Variants in ARHGAP15 observed in about 807,000 individuals in gnomAD.
ARHGAP15 encodes Rho GTPase activating protein 15.
Under a neutral mutation model 63.7 loss-of-function variants are expected in ARHGAP15, and 51 were observed. The ratio of observed to expected loss-of-function variants is 0.80; its 90% CI spans 0.64 to 1.01. ARHGAP15 has a LOEUF of 1.01. ARHGAP15 is among the 50% of genes least tolerant of loss of function. The probability of loss-of-function intolerance (pLI) is 0.00; values close to 1 mark genes in which losing one functional copy is unlikely to be tolerated. For synonymous variants in ARHGAP15, 191 were observed against 193.8 expected (o/e 0.99, Z 0.12); for missense variants, 560 against 564.6 (o/e 0.99, Z 0.08).
chr2:143,530,776 A>G (rs944781421), intron 10 of ARHGAP15, among the ~76,000 whole-genome samples: 2 of 152,166 alleles, frequency 1.3e-5, no homozygotes, highest in African/African-American at 4.8e-5. Context: ...AAACTCCTTA[A>G]GTCCATTTGT....
chr2:143,187,206 C>T (rs354728), intron 2 of ARHGAP15, among the ~76,000 whole-genome samples: 43,022 of 151,930 alleles, frequency 0.28, 6,687 homozygotes, highest in Admixed American at 0.38. Flanking sequence ...TTGACTATTT[C>T]TTGGGGAAGA....
At chr2:143,191,917 GA>G (rs1304332397) in intron 2 of ARHGAP15, among the ~76,000 whole-genome samples, 2 of 151,948 alleles carry the variant, frequency 1.3e-5, no homozygotes, top group East Asian at 1.9e-4. Context: ...TTTTTTGACA[GA>G]AAAAAATGGC....
chr2:143,351,799 A>T (rs1052634399), intron 6 of ARHGAP15, among the ~76,000 whole-genome samples: 1 of 152,084 alleles, frequency 6.6e-6, no homozygotes, highest in Non-Finnish European at 1.5e-5. Flanking sequence ...GGTACCCTGG[A>T]GCTTTGCTGT....
intron 13 of ARHGAP15, among the ~76,000 whole-genome samples, chr2:143,729,928 A>G (rs766858901): frequency 1.3e-5 from 2 of 152,186 alleles, no homozygotes; most frequent in Non-Finnish European, 2.9e-5. Flanking sequence ...GAGAGGGAGA[A>G]ATCATAAATA....
At chr2:143,342,039 A>C (rs2105288676) in intron 6 of ARHGAP15, among the ~76,000 whole-genome samples, 1 of 152,282 alleles carries the variant, frequency 6.6e-6, no homozygotes, top group South Asian at 2.1e-4. Flanking sequence ...ATGCCCATGC[A>C]TTAATGGTAG....
chr2:143,379,934 G>A (rs1289347028), intron 6 of ARHGAP15, among the ~76,000 whole-genome samples: 2 of 151,948 alleles, frequency 1.3e-5, no homozygotes, highest in African/African-American at 4.8e-5. Context: ...AAAATTTGCA[G>A]TGGAACAGAG....
At chr2:143,439,881 G>C (rs914376895) in intron 8 of ARHGAP15, among the ~76,000 whole-genome samples, 2 of 152,066 alleles carry the variant, frequency 1.3e-5, no homozygotes, top group Admixed American at 6.6e-5. Flanking sequence ...CAGTAAACTT[G>C]AATCAGGACC....
At chr2:143,492,887 T>G (rs976159604) in intron 9 of ARHGAP15, among the ~76,000 whole-genome samples, 1 of 145,808 alleles carries the variant, frequency 6.9e-6, no homozygotes, top group African/African-American at 2.5e-5. Flanking sequence ...GAACCCCGTC[T>G]CTTCTAAAAA....
At chr2:143,371,697 A>G (rs978249929) in intron 6 of ARHGAP15, among the ~76,000 whole-genome samples, 1 of 152,080 alleles carries the variant, frequency 6.6e-6, no homozygotes, top group African/African-American at 2.4e-5. Flanking sequence ...CTCCTTACTG[A>G]AACATCACAT....
intron 10 of ARHGAP15, among the ~76,000 whole-genome samples, chr2:143,553,292 A>T (rs747052848): frequency 6.6e-6 from 1 of 152,192 alleles, no homozygotes; most frequent in Non-Finnish European, 1.5e-5. Context: ...TATGTAATTT[A>T]AAAAGTATGA....
At chr2:143,682,137 A>T (rs1042747619) in intron 12 of ARHGAP15, among the ~76,000 whole-genome samples, 1 of 152,224 alleles carries the variant, frequency 6.6e-6, no homozygotes, top group Non-Finnish European at 1.5e-5. Context: ...GTAGCAGTGC[A>T]CTAAGATACA....
chr2:143,257,431 C>T (rs1359870771), intron 6 of ARHGAP15, among the ~76,000 whole-genome samples: 4 of 152,066 alleles, frequency 2.6e-5, no homozygotes, highest in Admixed American at 6.6e-5. Flanking sequence ...AATGGATGCA[C>T]GTCATCTAAT....
chr2:143,222,268 T>C (rs370828376), intron 4 of ARHGAP15, among the ~76,000 whole-genome samples: 1 of 152,220 alleles, frequency 6.6e-6, no homozygotes, highest in Non-Finnish European at 1.5e-5. Context: ...TTAGAATAAA[T>C]TACTTTCACT....
intron 4 of ARHGAP15, among the ~76,000 whole-genome samples, chr2:143,219,599 G>A (rs1440067101): frequency 6.6e-6 from 1 of 152,140 alleles, no homozygotes; most frequent in Non-Finnish European, 1.5e-5. Context: ...ATTGCTCAGT[G>A]GTAAGTCACA....
At chr2:143,210,263 A>T (rs1692514275) in intron 3 of ARHGAP15, among the ~76,000 whole-genome samples, 1 of 152,116 alleles carries the variant, frequency 6.6e-6, no homozygotes, top group African/African-American at 2.4e-5. Context: ...AAGACTGAAG[A>T]AATTTCTTGA....
intron 13 of ARHGAP15, among the ~76,000 whole-genome samples, chr2:143,720,267 A>ATACTT (rs546459436): frequency 6.6e-6 from 1 of 152,190 alleles, no homozygotes; most frequent in East Asian, 1.9e-4. Context: ...GAAGTGAACA[A>ATACTT]TACTTTACCT....
At chr2:143,587,126 C>T (rs969823399) in intron 11 of ARHGAP15, among the ~76,000 whole-genome samples, 1 of 152,096 alleles carries the variant, frequency 6.6e-6, no homozygotes, top group Non-Finnish European at 1.5e-5. Flanking sequence ...AGGTCATTTC[C>T]TTACTCATAG....
chr2:143,195,302 T>C (rs1691848655), intron 2 of ARHGAP15, among the ~76,000 whole-genome samples: 1 of 152,146 alleles, frequency 6.6e-6, no homozygotes, highest in Non-Finnish European at 1.5e-5. Flanking sequence ...AAAGTGGAAT[T>C]GTGAAACAAT....
At chr2:143,244,553 A>T (rs542921677) in intron 5 of ARHGAP15, among the ~76,000 whole-genome samples, 6 of 152,336 alleles carry the variant, frequency 3.9e-5, no homozygotes, top group African/African-American at 1.4e-4. Context: ...GCGTTGTGAA[A>T]ACACATTGCA....
Sources: gnomAD v4.1 joint callset for allele counts (sites outside exome capture counted in the v4.1 genomes callset) on GRCh38, gnomAD v4.1.1 for gene constraint, MANE v1.5 for transcripts, NCBI Gene and HGNC (gene_info 2026-07-23, HGNC 2026-07-21) for gene names.